PCDH11Y: variants seen among roughly 807,000 people sequenced by gnomAD.
The protein encoded by PCDH11Y is protocadherin 11 Y-linked.
For missense variants in PCDH11Y, 12 were observed against 224.8 expected (o/e 0.05, Z 6.05); for synonymous variants, 9 against 83.6 (o/e 0.11, Z 4.87).
chrY:5,307,703 A>G (rs2053092152), intron 2 of PCDH11Y, among the ~76,000 whole-genome samples: 1 of 33,433 alleles, frequency 3.0e-5, no homozygotes, highest in Admixed American at 2.8e-4. Flanking sequence ...TAAGATTAGA[A>G]ATGAGTATCT....
intron 2 of PCDH11Y, among the ~76,000 whole-genome samples, chrY:5,334,569 T>A (rs2053134377): frequency 2.9e-5 from 1 of 34,208 alleles, no homozygotes; most frequent in African/African-American, 1.1e-4. Context: ...TTTAAGTTAC[T>A]TCATAATTGA....
intron 2 of PCDH11Y, among the ~76,000 whole-genome samples, chrY:5,235,492 C>G: frequency 3.1e-5 from 1 of 32,631 alleles, no homozygotes; most frequent in East Asian, 8.2e-4. Context: ...TGTTTAGCTC[C>G]TACTTATAAG....
At chrY:5,111,295 G>A (rs2052802367) in intron 2 of PCDH11Y, among the ~76,000 whole-genome samples, 1 of 32,918 alleles carries the variant, frequency 3.0e-5, no homozygotes, top group Non-Finnish European at 7.4e-5. Context: ...ACGGGGTTTC[G>A]CCATTTTGAC....
At chrY:5,534,406 A>C (rs2053398028) in intron 3 of PCDH11Y, among the ~76,000 whole-genome samples, 1 of 34,012 alleles carries the variant, frequency 2.9e-5, no homozygotes, top group African/African-American at 1.1e-4. Flanking sequence ...CTTTGTGTCC[A>C]TATGTACTCA....
At chrY:5,522,690 T>C (rs2053382678) in intron 3 of PCDH11Y, among the ~76,000 whole-genome samples, 1 of 33,746 alleles carries the variant, frequency 3.0e-5, no homozygotes. Flanking sequence ...TGGTAAACAT[T>C]CCCCTCTCTT....
intron 2 of PCDH11Y, among the ~76,000 whole-genome samples, chrY:5,134,083 A>G: frequency 3.0e-5 from 1 of 32,804 alleles, no homozygotes; most frequent in African/African-American, 1.2e-4. Flanking sequence ...ACTTCTTTAA[A>G]TTAATTCATT....
intron 2 of PCDH11Y, among the ~76,000 whole-genome samples, chrY:5,321,797 A>T: frequency 6.5e-5 from 2 of 30,958 alleles, no homozygotes; most frequent in Admixed American, 6.1e-4. Context: ...ACCGAGACCC[A>T]TCTCTACAAA....
At chrY:5,733,537 G>A in intron 4 of PCDH11Y, among the ~76,000 whole-genome samples, 1 of 31,810 alleles carries the variant, frequency 3.1e-5, no homozygotes, top group Non-Finnish European at 7.6e-5. Context: ...ATGTGGCTAG[G>A]TATATACATG....
chrY:5,647,085 C>G, intron 4 of PCDH11Y, among the ~76,000 whole-genome samples: 2 of 33,364 alleles, frequency 6.0e-5, no homozygotes, highest in African/African-American at 2.3e-4. Flanking sequence ...TTCTTCATTT[C>G]AAGCAGTAAT....
At chrY:5,385,782 A>G (rs2053213885) in intron 2 of PCDH11Y, among the ~76,000 whole-genome samples, 5 of 33,506 alleles carry the variant, frequency 1.5e-4, no homozygotes, top group Non-Finnish European at 3.7e-4. Flanking sequence ...AGTTTCTTAT[A>G]TGTTTCTTGG....
At chrY:5,390,560 A>G in intron 2 of PCDH11Y, among the ~76,000 whole-genome samples, 1 of 33,677 alleles carries the variant, frequency 3.0e-5, no homozygotes, top group Admixed American at 2.7e-4. Context: ...TTGCTTTCAT[A>G]ATGTGTCTGT....
chrY:5,108,495 C>T (rs2052797467), downstream of PCDH11Y, among the ~76,000 whole-genome samples: 9 of 32,488 alleles, frequency 2.8e-4, no homozygotes, highest in Admixed American at 2.0e-3. Context: ...TGCCTGTAAT[C>T]CCAGTACTTT....
At chrY:5,153,808 G>A (rs2052866059) in intron 2 of PCDH11Y, among the ~76,000 whole-genome samples, 1 of 30,562 alleles carries the variant, frequency 3.3e-5, no homozygotes, top group South Asian at 7.5e-4. Flanking sequence ...TGCTGTCCAT[G>A]TGTGTCTGTG....
At chrY:5,739,361 A>G in exon 5 of PCDH11Y, 1 of 31,788 alleles carries the variant, frequency 3.1e-5, no homozygotes, top group Admixed American at 2.9e-4. Context: ...TTGTATGTGC[A>G]CATTTTATAA....
chrY:5,300,854 AT>A (rs2053081149), intron 2 of PCDH11Y, among the ~76,000 whole-genome samples: 2 of 34,398 alleles, frequency 5.8e-5, no homozygotes. Context: ...AATTCTTTTT[AT>A]AACATTTTGC....
intron 1 of PCDH11Y, among the ~76,000 whole-genome samples, chrY:5,005,412 T>C: frequency 3.0e-5 from 1 of 33,712 alleles, no homozygotes. Flanking sequence ...AAAATTTCTC[T>C]TTAGGCACCA....
chrY:5,018,137 C>G (rs2124619354), intron 1 of PCDH11Y, among the ~76,000 whole-genome samples: 5 of 31,008 alleles, frequency 1.6e-4, no homozygotes, highest in Admixed American at 1.2e-3. Flanking sequence ...TTTCTTCTTT[C>G]TTCTGGACAG....
intron 2 of PCDH11Y, among the ~76,000 whole-genome samples, chrY:5,162,762 T>A (rs866649219): frequency 0.024 from 786 of 32,365 alleles, no homozygotes; most frequent in Middle Eastern, 0.19. Flanking sequence ...AAAAGATCAG[T>A]GAATATGAAG....
intron 1 of PCDH11Y, among the ~76,000 whole-genome samples, chrY:5,028,095 G>A: frequency 3.0e-5 from 1 of 33,514 alleles, no homozygotes; most frequent in Non-Finnish European, 7.4e-5. Flanking sequence ...CTACGATGAT[G>A]GAGGGATAAC....
Sources: gnomAD v4.1 joint callset for allele counts (sites outside exome capture counted in the v4.1 genomes callset) on GRCh38, gnomAD v4.1.1 for gene constraint, MANE v1.5 for transcripts, NCBI Gene and HGNC (gene_info 2026-07-23, HGNC 2026-07-21) for gene names.